The following IMMP2L variants were observed in gnomAD, a reference collection of about 807,000 sequenced individuals.
IMMP2L encodes the protein mitochondrial inner membrane protease subunit 2.
IMMP2L carries 18 observed loss-of-function variants against 19.3 expected under a neutral mutation model. The observed-to-expected ratio is 0.93, with a 90% CI of 0.64 to 1.38. IMMP2L has a LOEUF of 1.38. IMMP2L is among the 40% of genes most tolerant of loss of function. The probability of loss-of-function intolerance (pLI) is 0.00; values close to 1 mark genes in which losing one functional copy is unlikely to be tolerated. For missense variants in IMMP2L, 233 were observed against 218.2 expected (o/e 1.07, Z -0.43); for synonymous variants, 76 against 73.0 (o/e 1.04, Z -0.21).
intron 3 of IMMP2L, among the ~76,000 whole-genome samples, chr7:111,153,199 T>A (rs1203580425): frequency 6.6e-6 from 1 of 152,112 alleles, no homozygotes; most frequent in Non-Finnish European, 1.5e-5. Flanking sequence ...CAGAAGAGTA[T>A]TTAAAAGTCA....
chr7:111,512,809 A>G (rs988963773), intron 2 of IMMP2L, among the ~76,000 whole-genome samples: 4 of 152,150 alleles, frequency 2.6e-5, no homozygotes, highest in Non-Finnish European at 5.9e-5. Context: ...ACATTTATGA[A>G]AAATCAATTT....
intron 3 of IMMP2L, among the ~76,000 whole-genome samples, chr7:111,083,137 C>CG (rs1796023291): frequency 6.6e-6 from 1 of 151,946 alleles, no homozygotes; most frequent in Non-Finnish European, 1.5e-5. Flanking sequence ...GTATGTGTAT[C>CG]GATCCATTTT....
At chr7:110,833,632 C>T (rs1007809801) in intron 5 of IMMP2L, among the ~76,000 whole-genome samples, 18 of 152,100 alleles carry the variant, frequency 1.2e-4, no homozygotes, top group Middle Eastern at 3.4e-3. Context: ...TATTAGAAGA[C>T]GATTTAAAGC....
intron 3 of IMMP2L, among the ~76,000 whole-genome samples, chr7:111,009,770 T>A (rs1792944132): frequency 6.6e-6 from 1 of 152,170 alleles, no homozygotes; most frequent in South Asian, 2.1e-4. Context: ...TATTTTCATA[T>A]TCTACTTTGG....
At chr7:111,242,795 C>A (rs967233962) in intron 3 of IMMP2L, among the ~76,000 whole-genome samples, 1 of 151,930 alleles carries the variant, frequency 6.6e-6, no homozygotes, top group Admixed American at 6.6e-5. Flanking sequence ...GCTAAAAACA[C>A]AAACAACAGA....
intron 3 of IMMP2L, among the ~76,000 whole-genome samples, chr7:111,021,134 T>C (rs1826232677): frequency 6.6e-6 from 1 of 152,172 alleles, no homozygotes. Context: ...AGAGAGTGGG[T>C]GAACAATACA....
intron 1 of IMMP2L, among the ~76,000 whole-genome samples, chr7:111,559,501 C>G (rs1279376692): frequency 6.6e-6 from 1 of 152,140 alleles, no homozygotes; most frequent in African/African-American, 2.4e-5. Context: ...AGCTGACACT[C>G]TTTATCCAAG....
intron 5 of IMMP2L, among the ~76,000 whole-genome samples, chr7:110,808,914 A>T (rs1801825679): frequency 6.6e-6 from 1 of 152,070 alleles, no homozygotes; most frequent in African/African-American, 2.4e-5. Context: ...ATAATCCTCG[A>T]CATCATAAAA....
chr7:111,500,146 C>A (rs1360608479), intron 2 of IMMP2L, among the ~76,000 whole-genome samples: 2 of 152,122 alleles, frequency 1.3e-5, no homozygotes, highest in African/African-American at 4.8e-5. Context: ...AAACGGCATA[C>A]CAGGAGATTA....
chr7:111,168,242 T>A (rs183979066), intron 3 of IMMP2L, among the ~76,000 whole-genome samples: 5 of 152,032 alleles, frequency 3.3e-5, no homozygotes, highest in Admixed American at 2.6e-4. Context: ...AATAATCCAA[T>A]TATTTGTGAT....
chr7:111,017,819 A>G (rs1367685098), intron 3 of IMMP2L, among the ~76,000 whole-genome samples: 3 of 152,088 alleles, frequency 2.0e-5, no homozygotes, highest in Non-Finnish European at 2.9e-5. Context: ...AGCCATCAGA[A>G]GAAGAGAAAC....
chr7:110,846,263 G>T (rs530252988), intron 5 of IMMP2L, among the ~76,000 whole-genome samples: 4 of 151,864 alleles, frequency 2.6e-5, no homozygotes, highest in Non-Finnish European at 5.9e-5. Flanking sequence ...TAACATGGGT[G>T]GTTACTTCCA....
At chr7:110,809,861 AT>A (rs1801904237) in intron 5 of IMMP2L, among the ~76,000 whole-genome samples, 1 of 152,068 alleles carries the variant, frequency 6.6e-6, no homozygotes, top group South Asian at 2.1e-4. Flanking sequence ...TAATCTAAGA[AT>A]ATAAAATAAA....
intron 5 of IMMP2L, among the ~76,000 whole-genome samples, chr7:110,885,583 G>A (rs1288574677): frequency 6.6e-6 from 1 of 152,022 alleles, no homozygotes. Context: ...ATTCTATGGA[G>A]TACAAGCATG....
At chr7:110,903,041 T>G (rs1422407898) in intron 4 of IMMP2L, among the ~76,000 whole-genome samples, 1 of 152,036 alleles carries the variant, frequency 6.6e-6, no homozygotes, top group African/African-American at 2.4e-5. Flanking sequence ...TAATTATCCT[T>G]CTGAAACTAG....
At chr7:111,071,519 A>G (rs1794949464) in intron 3 of IMMP2L, among the ~76,000 whole-genome samples, 1 of 152,236 alleles carries the variant, frequency 6.6e-6, no homozygotes, top group South Asian at 2.1e-4. Context: ...ATGGAGAAAC[A>G]AAATGTTATA....
At chr7:111,272,931 C>CA (rs1387392248) in intron 3 of IMMP2L, among the ~76,000 whole-genome samples, 4 of 152,008 alleles carry the variant, frequency 2.6e-5, no homozygotes, top group Non-Finnish European at 5.9e-5. Flanking sequence ...GAGGAGGTGA[C>CA]AATGGAGTCT....
At chr7:111,409,838 GA>G (rs139688179) in intron 3 of IMMP2L, among the ~76,000 whole-genome samples, 2,775 of 151,874 alleles carry the variant, frequency 0.018, 37 homozygotes, top group Non-Finnish European at 0.029. Flanking sequence ...ACCAATGGCA[GA>G]AGAGGCATGT....
At chr7:111,122,781 C>A in intron 3 of IMMP2L, 1 of 1,611,672 alleles carries the variant, frequency 6.2e-7, no homozygotes, top group Non-Finnish European at 8.5e-7. Flanking sequence ...AGATGAAGGA[C>A]ATGCCACTCC....
Sources: allele counts gnomAD v4.1 joint callset (sites outside exome capture counted in the v4.1 genomes callset), GRCh38; gene constraint gnomAD v4.1.1; transcripts MANE v1.5; gene names NCBI Gene and HGNC (gene_info 2026-07-23, HGNC 2026-07-21).